LRBA: variants seen among roughly 807,000 people sequenced by gnomAD.
LRBA encodes the protein LPS responsive beige-like anchor protein.
In LRBA, 176 loss-of-function variants were observed where a neutral mutation model predicts 330.0. The observed-to-expected ratio is 0.53, with a 90% CI of 0.47 to 0.60. LRBA has a LOEUF of 0.60. LRBA is among the 20% of genes least tolerant of loss of function. The pLI is 0.00. For missense variants in LRBA, 3,259 were observed against 3,444.8 expected (o/e 0.95, Z 1.35); for synonymous variants, 1,230 against 1,193.0 (o/e 1.03, Z -0.64).
intron 38 of LRBA, among the ~76,000 whole-genome samples, chr4:150,594,759 G>A (rs1333721361): frequency 6.6e-6 from 1 of 151,982 alleles, no homozygotes; most frequent in African/African-American, 2.4e-5. Flanking sequence ...TAAGAACAAT[G>A]AAAGGCCTAA....
At chr4:150,905,593 T>C (rs2127153552) in intron 13 of LRBA, among the ~76,000 whole-genome samples, 1 of 152,166 alleles carries the variant, frequency 6.6e-6, no homozygotes, top group African/African-American at 2.4e-5. Flanking sequence ...AAAATAATGA[T>C]ATTGTTTACA....
intron 40 of LRBA, among the ~76,000 whole-genome samples, chr4:150,509,058 T>C (rs1309931334): frequency 2.0e-5 from 3 of 152,222 alleles, no homozygotes; most frequent in Admixed American, 6.5e-5. Flanking sequence ...TTAATGGTAA[T>C]GTACTGTTTA....
intron 37 of LRBA, among the ~76,000 whole-genome samples, chr4:150,674,885 A>T (rs1782395011): frequency 6.6e-6 from 1 of 152,028 alleles, no homozygotes; most frequent in Non-Finnish European, 1.5e-5. Flanking sequence ...AAAACGAAAA[A>T]ACCACAAGAA....
chr4:150,319,624 A>G lies in LRBA; in HGVS notation c.7630+1567T>C, dbSNP rs529670439. On this transcript the variant is annotated intron_variant, in intron 50 of 56. Transcript: ENST00000651943. ...AAGGACATAATAATAGAGATATTAA[A>G]TATCTGCCTCCATTTTTACTGTCTC... Among the ~76,000 whole-genome samples the G allele has an allele frequency of 3.9e-5, 6 of 152,316 alleles. No individual in the cohort carries two copies. In the South Asian group the frequency reaches 1.2e-3, roughly 32 times the overall value.
At chr4:150,370,325 C>T (rs964991924) in intron 47 of LRBA, among the ~76,000 whole-genome samples, 8 of 152,084 alleles carry the variant, frequency 5.3e-5, no homozygotes, top group Non-Finnish European at 1.2e-4. Context: ...AACTATGGTC[C>T]ATCCATACAA....
intron 13 of LRBA, 97 bp from the exon 14 acceptor site, chr4:150,900,314 C>T (rs1730584857): frequency 1.2e-6 from 1 of 801,980 alleles, no homozygotes; most frequent in African/African-American, 1.7e-5. Flanking sequence ...ACGCTTCTTC[C>T]AAAAAGTAAG....
chr4:150,989,116 C>T (rs2149622255), intron 2 of LRBA, among the ~76,000 whole-genome samples: 1 of 152,162 alleles, frequency 6.6e-6, no homozygotes, highest in East Asian at 1.9e-4. Context: ...AATTCTCCTG[C>T]CTCAGCCTCC....
chr4:150,954,777 T>G (rs1320388570), intron 2 of LRBA, among the ~76,000 whole-genome samples: 1 of 137,432 alleles, frequency 7.3e-6, no homozygotes, highest in Non-Finnish European at 1.5e-5. Context: ...ACTAAAAAAT[T>G]TTTTAAAAAT....
chr4:150,736,589 T>C (rs1345190946), intron 35 of LRBA, among the ~76,000 whole-genome samples: 26 of 151,906 alleles, frequency 1.7e-4, no homozygotes, highest in Admixed American at 1.7e-3. Context: ...ACAAAATAAA[T>C]AACAGACATA....
At chr4:150,941,124 C>T (rs76754052) in intron 2 of LRBA, among the ~76,000 whole-genome samples, 2 of 151,912 alleles carry the variant, frequency 1.3e-5, no homozygotes, top group Non-Finnish European at 2.9e-5. Context: ...CTGCTACCTG[C>T]CCTAGGGATG....
intron 2 of LRBA, among the ~76,000 whole-genome samples, chr4:150,990,003 A>C (rs1741894174): frequency 6.6e-6 from 1 of 152,168 alleles, no homozygotes. Context: ...TTTTAATTAG[A>C]GAAATACAAT....
chr4:150,777,205 T>C (rs980135826), intron 34 of LRBA, among the ~76,000 whole-genome samples: 1 of 152,024 alleles, frequency 6.6e-6, no homozygotes, highest in African/African-American at 2.4e-5. Context: ...GCAATCCTCC[T>C]GCCTTGGCCT....
chr4:150,398,153 G>C (rs977349350), intron 47 of LRBA, among the ~76,000 whole-genome samples: 1 of 152,186 alleles, frequency 6.6e-6, no homozygotes, highest in African/African-American at 2.4e-5. Flanking sequence ...AGAAATATGT[G>C]AGATGGTGAA....
At chr4:150,379,352 C>T (rs1301492568) in intron 47 of LRBA, among the ~76,000 whole-genome samples, 2 of 141,914 alleles carry the variant, frequency 1.4e-5, no homozygotes, top group African/African-American at 5.1e-5. Context: ...TCATTAAATT[C>T]CTATATACAA....
chr4:150,802,386 A>T (rs917192896), intron 33 of LRBA, among the ~76,000 whole-genome samples: 2 of 151,896 alleles, frequency 1.3e-5, no homozygotes, highest in African/African-American at 4.8e-5. Flanking sequence ...AGCATAGTAA[A>T]GAATAGCTGA....
At chr4:150,365,117 A>G (rs528208225) in intron 47 of LRBA, among the ~76,000 whole-genome samples, 20 of 151,954 alleles carry the variant, frequency 1.3e-4, no homozygotes, top group Non-Finnish European at 2.5e-4. Context: ...TCAAGTGATC[A>G]TCTGGCTTCA....
rs775582486 is a variant in LRBA at position 150,817,290 on chromosome 4, A to C, written c.5172-33T>G. The C allele has an allele frequency of 1.9e-6, 3 of 1,598,846 alleles. No individual in the cohort carries two copies. In the East Asian group the frequency reaches 6.7e-5, roughly 36 times the overall value. On this transcript the variant is annotated intron_variant, in intron 30 of 56. Transcript: ENST00000651943. ...AAAGAAAGTAAACAGACTGAAAGAT[A>C]CAAATTGATCTCTTGAATTAATTAC...
chr4:150,701,809 T>C (rs1013938842), intron 36 of LRBA, among the ~76,000 whole-genome samples: 2 of 152,168 alleles, frequency 1.3e-5, no homozygotes, highest in African/African-American at 4.8e-5. Context: ...TATCAATCCA[T>C]CATCTCTTCA....
At chr4:150,812,034 C>T (rs1743812515) in intron 31 of LRBA, among the ~76,000 whole-genome samples, 1 of 151,982 alleles carries the variant, frequency 6.6e-6, no homozygotes, top group African/African-American at 2.4e-5. Context: ...AATTAACCAG[C>T]AATAGTTATA....
Sources: allele counts gnomAD v4.1 joint callset (sites outside exome capture counted in the v4.1 genomes callset), GRCh38; gene constraint gnomAD v4.1.1; transcripts MANE v1.5; gene names NCBI Gene and HGNC (gene_info 2026-07-23, HGNC 2026-07-21).